RBM23: variants seen among roughly 807,000 people sequenced by gnomAD.
RBM23 encodes the protein probable RNA-binding protein 23.
A neutral mutation model predicts 56.2 loss-of-function variants in RBM23; 53 were observed. The observed-to-expected ratio is 0.94, with a 90% confidence interval of 0.76 to 1.19. The LOEUF is 1.19. RBM23 is among the 50% of genes most tolerant of loss of function. The pLI is 0.00. For synonymous variants in RBM23, 197 were observed against 198.5 expected (o/e 0.99, Z 0.06); for missense variants, 642 against 590.3 (o/e 1.09, Z -0.91).
In RBM23 at chr14:22,915,097, A is replaced by AT. The variant is rs1361631306; in HGVS notation, c.-10-3695dup. On this transcript the variant is annotated intron_variant, in intron 1 of 13. Transcript: ENST00000359890. ...GTCCATATCCTATTTTGACAATTAA[A>AT]TAAGTGTAATAATTACAACTATGAT... Among the ~76,000 whole-genome samples, 4 of 152,276 alleles carry AT rather than the reference A, an allele frequency of 2.6e-5. No homozygotes were observed. The East Asian group carries it at 5.8e-4, about 22-fold the overall frequency.
Position 22,913,520 on chromosome 14 carries a change from G to T in RBM23, c.-10-2117C>A, listed in dbSNP as rs554814600. Among the ~76,000 whole-genome samples the T allele has an allele frequency of 3.1e-4, 47 of 152,216 alleles. No homozygotes were observed. In the Middle Eastern group the frequency reaches 0.01, roughly 33 times the overall value. ...CTCACACCTGTAATCCCAGCACCGTGGGAGGCCAAGACAGGTGGATCACCT... is the reference window on the plus strand; with the variant it reads ...CTCACACCTGTAATCCCAGCACCGTTGGAGGCCAAGACAGGTGGATCACCT... On this transcript the variant is annotated intron_variant, in intron 1 of 13. Coordinates refer to ENST00000359890, the MANE Select transcript of RBM23 (RefSeq NM_001077351.2).
In RBM23 at chr14:22,901,943, C is replaced by T. The variant is rs199718404; in HGVS notation, c.1246+37G>A. ...ACCGCGCACTCCTTCTTTCCAGACC[C>T]CCAAACCTTCCCTTCCTTTCCCATG... On this transcript the variant is annotated intron_variant, in intron 12 of 13. Transcript: ENST00000359890. The T allele has an allele frequency of 2.8e-3, 4,433 of 1,611,884 alleles. 9 individuals carry two copies. The highest frequency in any genetic ancestry group is 4.0e-3 in the Admixed American group (242 of 59,944).
rs1383979168 is a variant in RBM23 at position 22,894,163 on chromosome 14, CTTTA to C, written c.*7563_*7566del. The C allele has an allele frequency of 1.3e-5, 2 of 152,172 alleles. No homozygotes were observed. Among genetic ancestry groups the C allele is most frequent in the South Asian group, 2.1e-4 (1 of 4,834 alleles). 9.4% of individuals were successfully genotyped at this position (152,172 alleles called of 1,614,324 possible). On this transcript the variant is annotated 3_prime_UTR_variant, in exon 14 of 14. Transcript: ENST00000359890. ...GCCTTTTGCAACCTATGTCCTGGCC[CTTTA>C]TTTAGGCATCAAAGCAGCTTGCTAA...
chr14:22,909,769 A>G (rs2042148483), intron 2 of RBM23, among the ~76,000 whole-genome samples, 174 bp from the exon 3 acceptor site: 1 of 152,182 alleles, frequency 6.6e-6, no homozygotes, highest in Non-Finnish European at 1.5e-5. Context: ...CAAGGAAACT[A>G]CCTAAAAGGA....
chr14:22,915,113 C>T (rs1490193468), intron 1 of RBM23, among the ~76,000 whole-genome samples: 1 of 151,798 alleles, frequency 6.6e-6, no homozygotes, highest in Non-Finnish European at 1.5e-5. Context: ...GTAATAATTA[C>T]AACTATGATT....
chr14:22,918,514 G>GA lies in RBM23; in HGVS notation c.-11+484dup, dbSNP rs1877594627. Among the ~76,000 whole-genome samples the GA allele has an allele frequency of 5.9e-5, 9 of 152,314 alleles. No individual in the cohort carries two copies. In the South Asian group the frequency reaches 1.7e-3, roughly 28 times the overall value. On this transcript the variant is annotated intron_variant, in intron 1 of 13. Transcript: ENST00000359890. ...AATACGCCTACTGGAATGAGTGCTTGAAAAAGTTAAATGGGAAAAGCCCAT... is the reference window on the plus strand; with the variant it reads ...AATACGCCTACTGGAATGAGTGCTTGAAAAAAGTTAAATGGGAAAAGCCCAT...
intron 11 of RBM23, 21 bp downstream of exon 11, chr14:22,902,166 C>T (rs2040647323): frequency 6.2e-7 from 1 of 1,611,074 alleles, no homozygotes; most frequent in Non-Finnish European, 8.5e-7. Context: ...CCATAATCTT[C>T]ACCTTGCGGA....
chr14:22,909,673 G>A, intron 2 of RBM23, 78 bp from the exon 3 acceptor site: 3 of 1,073,296 alleles, frequency 2.8e-6, no homozygotes, highest in Non-Finnish European at 2.9e-6. Flanking sequence ...GGGAACAAAG[G>A]TGGACAAGGA....
At position 22,897,362 on chromosome 14, in the gene RBM23, G is replaced by A. The variant is rs1490895614; in HGVS notation, c.*4368C>T. The A allele has an allele frequency of 1.3e-5, 2 of 152,130 alleles. No homozygotes were observed. Among genetic ancestry groups the A allele is most frequent in the Non-Finnish European group, 2.9e-5 (2 of 68,036 alleles). The allele number at this position is 152,130 out of a possible 1,614,324, so 9.4% of individuals were successfully genotyped here. On this transcript the variant is annotated 3_prime_UTR_variant, in exon 14 of 14. Coordinates refer to ENST00000359890, the MANE Select transcript of RBM23 (RefSeq NM_001077351.2). ...ACAAGAGGACAAAGAATACTGAAAA[G>A]AGAGATCAACTCCACCTAGGAAAGC...
At chr14:22,905,071 T>C (rs1366905769) in intron 8 of RBM23, 23 bp downstream of exon 8, 2 of 1,613,906 alleles carry the variant, frequency 1.2e-6, no homozygotes, top group African/African-American at 1.3e-5. Flanking sequence ...TAAAATCTTA[T>C]GTCTGTTTCT....
chr14:22,911,379 G>C lies in RBM23; in HGVS notation c.15C>G (p.Asp5Glu), dbSNP rs1048731300. The C allele has an allele frequency of 5.0e-6, 8 of 1,613,456 alleles. No individual in the cohort carries two copies. Among genetic ancestry groups the C allele is most frequent in the Non-Finnish European group, 6.8e-6 (8 of 1,179,680 alleles). ...GCATGGCCTCAATCACTATGTCAAA[G>C]TCATCAGATGCCATCCTGTCAGATC... MASD[D>E]FDIVIEAMLE... Residue 5 changes from aspartate to glutamate, a missense_variant, in exon 2 of 14, where the codon GAC becomes GAG. Transcript: ENST00000359890.
chr14:22,917,490 T>A (rs1555349898), intron 1 of RBM23: 3 of 152,232 alleles, frequency 2.0e-5, no homozygotes, highest in Admixed American at 2.0e-4. Context: ...GGGTTTAGTG[T>A]CTTTCTAGAT....
intron 1 of RBM23, among the ~76,000 whole-genome samples, chr14:22,912,642 GC>G (rs369879366): frequency 6.6e-6 from 1 of 151,490 alleles, no homozygotes; most frequent in Middle Eastern, 3.4e-3. Flanking sequence ...ACAGAAACCA[GC>G]CCCCCCCACA....
chr14:22,906,467 G>A (rs953386281), intron 4 of RBM23, 99 bp from the exon 5 acceptor site: 103 of 1,381,288 alleles, frequency 7.5e-5, no homozygotes, highest in Non-Finnish European at 9.5e-5. Flanking sequence ...ACGGTGCTGA[G>A]AAGTTCGTAT....
At chr14:22,916,935 C>G (rs560702383) in intron 1 of RBM23, 1 of 152,004 alleles carries the variant, frequency 6.6e-6, no homozygotes, top group Non-Finnish European at 1.5e-5. Context: ...ATGGCGCAAT[C>G]TCGGCTCACT....
At chr14:22,914,046 GC>G (rs2043054326) in intron 1 of RBM23, 2 of 143,894 alleles carry the variant, frequency 1.4e-5, no homozygotes, top group East Asian at 2.2e-4. Context: ...AAAAAAATTT[GC>G]TGGGCATGGT....
In RBM23 at chr14:22,896,977, T is replaced by A. The variant is rs1463873145; in HGVS notation, c.*4753A>T. 6.6e-6 allele frequency: 1 copy of A among 152,130 alleles called. No individual in the cohort carries two copies. Among genetic ancestry groups the A allele is most frequent in the Admixed American group, 6.5e-5 (1 of 15,268 alleles). The allele number at this position is 152,130 out of a possible 1,614,324, so 9.4% of individuals were successfully genotyped here. On this transcript the variant is annotated 3_prime_UTR_variant, in exon 14 of 14. Transcript: ENST00000359890. ...CACCTGGTTGCCATGGAAACATCAG[T>A]CTCTGGTGGATGGCAAGCAGCACTT... is the stretch of plus-strand genomic sequence containing the variant.
At chr14:22,911,662 TAGCAC>T (rs368714178) in intron 1 of RBM23, 51 of 205,482 alleles carry the variant, frequency 2.5e-4, no homozygotes, top group African/African-American at 1.1e-3. Context: ...CCTGTAATCC[TAGCAC>T]TCTGGGAGGG....
intron 10 of RBM23, chr14:22,902,884 C>T: frequency 2.0e-5 from 15 of 755,872 alleles, no homozygotes; most frequent in Non-Finnish European, 2.4e-5. Flanking sequence ...AAGCAATTCT[C>T]CTGCCTCAGC....
Sources: gnomAD v4.1 joint callset for allele counts (sites outside exome capture counted in the v4.1 genomes callset) on GRCh38, gnomAD v4.1.1 for gene constraint, MANE v1.5 for transcripts, NCBI Gene and HGNC (gene_info 2026-07-23, HGNC 2026-07-21) for gene names.